Variants in SNRPN observed in about 807,000 individuals in gnomAD.
SNRPN encodes small nuclear ribonucleoprotein polypeptide N.
In SNRPN, 7 loss-of-function variants were observed where a neutral mutation model predicts 25.2. That is an observed-to-expected ratio of 0.28 (90% CI 0.16 to 0.52). The LOEUF (loss-of-function observed/expected upper bound fraction) is 0.52. SNRPN is among the 20% of genes least tolerant of loss of function. The pLI is 0.96. For missense variants in SNRPN, 196 were observed against 322.5 expected (o/e 0.61, Z 3.00); for synonymous variants, 124 against 110.6 (o/e 1.12, Z -0.76).
intron 3 of SNRPN, among the ~76,000 whole-genome samples, chr15:24,947,394 G>A (rs1008129537): frequency 5.3e-4 from 81 of 152,326 alleles, no homozygotes; most frequent in Non-Finnish European, 8.4e-4. Flanking sequence ...ACTTTGGGAG[G>A]CAGAGGCAAG....
intron 2 of SNRPN, among the ~76,000 whole-genome samples, chr15:24,893,208 A>AAAAC (rs113345707): frequency 0.032 from 4,496 of 140,332 alleles, 147 homozygotes; most frequent in African/African-American, 0.093. Context: ...ACTCTGTCTC[A>AAAAC]AAACAAACAA....
At chr15:24,872,747 G>GAAA (rs755883505) in intron 1 of SNRPN, among the ~76,000 whole-genome samples, 1 of 31,432 alleles carries the variant, frequency 3.2e-5, no homozygotes, top group Admixed American at 5.2e-4. Flanking sequence ...ACTCCGTCTC[G>GAAA]AAAAAAAAAA....
intron 1 of SNRPN, among the ~76,000 whole-genome samples, chr15:24,829,241 A>C (rs2050319036): frequency 6.6e-6 from 1 of 152,118 alleles, no homozygotes; most frequent in South Asian, 2.1e-4. Flanking sequence ...ACGCAACAGA[A>C]ACTAAACTGC....
chr15:24,915,947 G>GT lies in SNRPN; in HGVS notation c.-504-4055dup, dbSNP rs1305615168. Among the ~76,000 whole-genome samples the GT allele has an allele frequency of 1.0e-4, 14 of 134,032 alleles. No homozygotes were observed. In the East Asian group the frequency reaches 1.3e-3, roughly 13 times the overall value. 87.9% of individuals were successfully genotyped at this position (134,032 alleles called of 152,430 possible). On this transcript the variant is annotated intron_variant, in intron 2 of 11. Coordinates refer to the SNRPN transcript ENST00000400097. ...CATCTGATTATATACACACATTGTG[G>GT]TTTTTTTTTGGCCAGGTTGACTTTT...
chr15:24,827,011 CAT>C (rs911780538), intron 1 of SNRPN, among the ~76,000 whole-genome samples: 3 of 151,940 alleles, frequency 2.0e-5, no homozygotes, highest in African/African-American at 4.8e-5. Flanking sequence ...TGTCATATCC[CAT>C]ATATATACAC....
At chr15:24,900,795 G>A (rs2058394026) in intron 2 of SNRPN, among the ~76,000 whole-genome samples, 2 of 152,084 alleles carry the variant, frequency 1.3e-5, no homozygotes, top group Admixed American at 6.6e-5. Flanking sequence ...GCTATTACTG[G>A]GGATTCAAGA....
At chr15:24,919,720 G>GTAAGATAT (rs1305083525) in intron 2 of SNRPN, among the ~76,000 whole-genome samples, 3 of 152,138 alleles carry the variant, frequency 2.0e-5, no homozygotes, top group African/African-American at 7.2e-5. Flanking sequence ...GATGAACCTG[G>GTAAGATAT]TAAGATATTA....
intron 1 of SNRPN, among the ~76,000 whole-genome samples, chr15:24,827,027 C>A (rs1002766868): frequency 2.6e-5 from 4 of 151,332 alleles, no homozygotes; most frequent in African/African-American, 9.8e-5. Context: ...TATACACATA[C>A]ACACACATAC....
At chr15:24,928,292 A>G (rs28670521) in intron 3 of SNRPN, among the ~76,000 whole-genome samples, 9,931 of 152,244 alleles carry the variant, frequency 0.065, 405 homozygotes, top group Middle Eastern at 0.11. Flanking sequence ...TCATTGCAGC[A>G]TTATTCACGA....
chr15:24,974,059 G>A (rs1038595687), intron 3 of SNRPN, among the ~76,000 whole-genome samples: 4 of 152,124 alleles, frequency 2.6e-5, no homozygotes, highest in African/African-American at 9.7e-5. Flanking sequence ...GGAAAATGAC[G>A]CTTAGTTTTT....
chr15:24,852,431 A>G (rs545216964), upstream of SNRPN, among the ~76,000 whole-genome samples: 1 of 152,312 alleles, frequency 6.6e-6, no homozygotes, highest in East Asian at 1.9e-4. Context: ...TCATTCTGCA[A>G]AAGTTTCTCA....
chr15:24,882,472 C>T (rs1445875801), intron 1 of SNRPN, among the ~76,000 whole-genome samples: 4 of 152,040 alleles, frequency 2.6e-5, no homozygotes, highest in African/African-American at 7.2e-5. Context: ...ACTTTCATAG[C>T]ACAGATGCTC....
chr15:24,834,751 C>CTCTATATATATATATATA, intron 2 of SNRPN, among the ~76,000 whole-genome samples: 6 of 60,954 alleles, frequency 9.8e-5, no homozygotes, highest in Non-Finnish European at 2.0e-4. Context: ...CTCTCTCTCT[C>CTCTATATATATATATATA]TATATATATA....
chr15:24,930,517 G>C (rs1263283336), intron 3 of SNRPN, among the ~76,000 whole-genome samples: 5 of 150,730 alleles, frequency 3.3e-5, no homozygotes, highest in Admixed American at 6.7e-5. Flanking sequence ...AGACTGAGAA[G>C]GGAGGATCAC....
intron 3 of SNRPN, among the ~76,000 whole-genome samples, chr15:24,941,685 G>A (rs1461203126): frequency 6.6e-6 from 1 of 152,192 alleles, no homozygotes; most frequent in Non-Finnish European, 1.5e-5. Context: ...CAGGATGAGT[G>A]GCACTAGCCA....
chr15:24,978,135 A>G (rs193135572), intron 8 of SNRPN, 58 bp from the exon 9 acceptor site: 20 of 1,568,652 alleles, frequency 1.3e-5, no homozygotes, highest in Middle Eastern at 2.1e-4. Flanking sequence ...TTTGGGCTAA[A>G]TTCTAACTTT....
In SNRPN at chr15:24,968,046, T is replaced by C; in HGVS notation, c.-180T>C. 2 of 1,612,952 alleles carry C rather than the reference T, an allele frequency of 1.2e-6. No individual in the cohort carries two copies. Among genetic ancestry groups the C allele is most frequent in the East Asian group, 2.2e-5 (1 of 44,850 alleles). The stretch of plus-strand genomic sequence containing the variant: ...CACCAAGAGGTGGTTAAAGCCATAT[T>C]GGAGTAGCGAGGAATCTGATTCCAA... On this transcript the variant is annotated 5_prime_UTR_variant, in exon 3 of 10. Transcript: ENST00000390687.
At chr15:24,853,463 G>A (rs1488602265), upstream of SNRPN, among the ~76,000 whole-genome samples, 3 of 151,186 alleles carry the variant, frequency 2.0e-5, no homozygotes, top group Non-Finnish European at 2.9e-5. Context: ...ACGCGATCTC[G>A]GCTTGCTGCA....
chr15:24,972,631 T>C (rs1286559609), intron 3 of SNRPN, among the ~76,000 whole-genome samples: 3 of 151,522 alleles, frequency 2.0e-5, no homozygotes, highest in Admixed American at 1.3e-4. Flanking sequence ...AAGATACTTT[T>C]GAATCCTTTT....
Sources: gnomAD v4.1 joint callset for allele counts (sites outside exome capture counted in the v4.1 genomes callset) on GRCh38, gnomAD v4.1.1 for gene constraint, MANE v1.5 for transcripts, NCBI Gene and HGNC (gene_info 2026-07-23, HGNC 2026-07-21) for gene names.